The following LDLRAD4 variants were observed in gnomAD, a reference collection of about 807,000 sequenced individuals.
The protein encoded by LDLRAD4 is low-density lipoprotein receptor class A domain-containing protein 4.
In LDLRAD4, 5 loss-of-function variants were observed where a neutral mutation model predicts 17.0. That is an observed-to-expected ratio of 0.29 (90% confidence interval 0.15 to 0.62). The LOEUF is 0.62. Ranked by LOEUF, LDLRAD4 falls within the 20% of genes least tolerant of loss-of-function variation. The pLI is 0.84. For missense variants in LDLRAD4, 340 were observed against 424.7 expected (o/e 0.80, Z 1.75); for synonymous variants, 168 against 171.8 (o/e 0.98, Z 0.17).
chr18:13,403,926 A>G (rs1208984392), intron 2 of LDLRAD4, among the ~76,000 whole-genome samples: 3 of 152,142 alleles, frequency 2.0e-5, no homozygotes, highest in Non-Finnish European at 4.4e-5. Context: ...GGCCATCTGG[A>G]TGCGCCCTGT....
At chr18:13,246,379 G>C (rs1423477537) in intron 1 of LDLRAD4, among the ~76,000 whole-genome samples, 1 of 152,206 alleles carries the variant, frequency 6.6e-6, no homozygotes, top group African/African-American at 2.4e-5. Flanking sequence ...CCTGAGTTTG[G>C]GATAGACAGT....
rs549210005 is a variant in LDLRAD4, at chr18:13,343,652, C to T, written c.-382-43689C>T. Among the ~76,000 whole-genome samples the T allele has an allele frequency of 5.9e-5, 9 of 152,240 alleles. No homozygotes were observed. The East Asian group carries it at 9.7e-4, about 16-fold the overall frequency. On this transcript the variant is annotated intron_variant, in intron 1 of 5. Coordinates refer to ENST00000359446, the Ensembl canonical transcript of LDLRAD4. The stretch of plus-strand genomic sequence containing the variant: ...TTCTAGTTCTAGATCCCTGAGGAAT[C>T]GCCACACTGACTTCCACAATGGTTG...
chr18:13,584,070 G>A (rs536955697), intron 3 of LDLRAD4, among the ~76,000 whole-genome samples: 1 of 152,308 alleles, frequency 6.6e-6, no homozygotes, highest in Admixed American at 6.5e-5. Flanking sequence ...CCCACCCGAA[G>A]CCACGTTGCC....
chr18:13,503,132 G>A (rs913141142), intron 3 of LDLRAD4, among the ~76,000 whole-genome samples: 1 of 152,214 alleles, frequency 6.6e-6, no homozygotes, highest in South Asian at 2.1e-4. Flanking sequence ...GTGATAAAAC[G>A]TTTAAAGTAT....
Position 13,645,617 on chromosome 18 carries a change from C to CCAT in LDLRAD4, c.884_886dup (p.Ile295dup). 1 of 1,524,302 alleles carries CCAT rather than the reference C, an allele frequency of 6.6e-7. No individual in the cohort carries two copies. The highest frequency in any genetic ancestry group is 1.3e-5 in the South Asian group (1 of 76,440). The allele number at this position is 1,524,302 out of a possible 1,614,324, so 94.4% of individuals were successfully genotyped here. On this transcript the variant is annotated inframe_insertion, in exon 6 of 6. Transcript: ENST00000359446. The surrounding 1 kb of genome is among the most constrained non-coding windows in gnomAD (Gnocchi z 5.7). The stretch of plus-strand genomic sequence containing the variant: ...AACAATGCAGAGAGCACAATAGTAC[C>CCAT]CATCAAAGGCAAAGATAGGAAGCCT...
At chr18:13,234,540 G>A (rs1428143100) in intron 1 of LDLRAD4, among the ~76,000 whole-genome samples, 2 of 150,196 alleles carry the variant, frequency 1.3e-5, no homozygotes, top group Non-Finnish European at 3.0e-5. Context: ...CCACAGACTC[G>A]TAGGCCTGGA....
At chr18:13,406,560 G>A (rs1210535937) in intron 2 of LDLRAD4, among the ~76,000 whole-genome samples, 6 of 152,142 alleles carry the variant, frequency 3.9e-5, no homozygotes, top group Admixed American at 3.9e-4. Context: ...TGGGGAAGAG[G>A]CTTCCCCTTT....
intron 2 of LDLRAD4, among the ~76,000 whole-genome samples, chr18:13,433,715 A>T (rs2090483858): frequency 6.6e-6 from 1 of 152,166 alleles, no homozygotes; most frequent in Non-Finnish European, 1.5e-5. Context: ...TTTTGTATAT[A>T]AGTTTGGAAT....
chr18:13,635,538 C>A (rs568739713), intron 4 of LDLRAD4, among the ~76,000 whole-genome samples: 2 of 152,264 alleles, frequency 1.3e-5, no homozygotes, highest in Non-Finnish European at 2.9e-5. Context: ...TTTGGAAGAT[C>A]CGGTGATATT....
chr18:13,311,166 G>A lies in LDLRAD4; in HGVS notation c.-383+32978G>A, dbSNP rs189587862. On this transcript the variant is annotated intron_variant, in intron 1 of 5. Transcript: ENST00000359446. ...CTGTCCATTCAGCTGTTGAGTCCAT[G>A]AGAGCTTACTGGGTGCTTCTGAGTA... Among the ~76,000 whole-genome samples, 23 of 152,314 alleles carry A rather than the reference G, an allele frequency of 1.5e-4. No individual in the cohort carries two copies. In the East Asian group the frequency reaches 4.4e-3, roughly 29 times the overall value.
chr18:13,374,697 C>G (rs2084773456), intron 1 of LDLRAD4, among the ~76,000 whole-genome samples: 1 of 152,238 alleles, frequency 6.6e-6, no homozygotes, highest in Admixed American at 6.5e-5. Context: ...GATTCTGCCA[C>G]CCAGCCAGGA....
chr18:13,348,710 T>TA (rs2082853965), intron 1 of LDLRAD4, among the ~76,000 whole-genome samples: 1 of 152,122 alleles, frequency 6.6e-6, no homozygotes. Flanking sequence ...TGAGCTGCGG[T>TA]AGGCTCCACC....
chr18:13,591,416 A>ATGTG (rs372202447), intron 3 of LDLRAD4, among the ~76,000 whole-genome samples: 14 of 138,476 alleles, frequency 1.0e-4, no homozygotes, highest in East Asian at 2.3e-4. Context: ...ATGTGTGTGT[A>ATGTG]TGTGTGTGTG....
chr18:13,319,264 C>T (rs1253110395), intron 1 of LDLRAD4, among the ~76,000 whole-genome samples: 3 of 152,208 alleles, frequency 2.0e-5, no homozygotes, highest in African/African-American at 4.8e-5. Context: ...GAAGTGGCCA[C>T]GGCGGGTATG....
At chr18:13,325,288 C>T (rs186893177) in intron 1 of LDLRAD4, among the ~76,000 whole-genome samples, 23 of 152,298 alleles carry the variant, frequency 1.5e-4, no homozygotes, top group African/African-American at 5.5e-4. Context: ...CACTTGCAGT[C>T]GTGGCTATGG....
At chr18:13,475,582 G>A (rs1057284992) in intron 3 of LDLRAD4, among the ~76,000 whole-genome samples, 1 of 152,104 alleles carries the variant, frequency 6.6e-6, no homozygotes, top group Non-Finnish European at 1.5e-5. Context: ...AATTAATGCA[G>A]TGTGTTTTGT....
At chr18:13,251,045 A>G (rs547244414) in intron 1 of LDLRAD4, among the ~76,000 whole-genome samples, 5 of 152,366 alleles carry the variant, frequency 3.3e-5, no homozygotes, top group Non-Finnish European at 7.4e-5. Context: ...AATGGGATTC[A>G]TCCCAGGGAT....
chr18:13,650,105 T>A, exon 6 of LDLRAD4: 1 of 398,716 alleles, frequency 2.5e-6, no homozygotes, highest in Non-Finnish European at 4.4e-6. Flanking sequence ...CACAGAGATG[T>A]GAACAGACAA....
chr18:13,493,832 C>A (rs1290966025), intron 3 of LDLRAD4, among the ~76,000 whole-genome samples: 1 of 152,234 alleles, frequency 6.6e-6, no homozygotes, highest in East Asian at 1.9e-4. Flanking sequence ...CCGTCCCTGC[C>A]TCCAGCCCCG....
Sources: gnomAD v4.1 joint callset for allele counts (sites outside exome capture counted in the v4.1 genomes callset) on GRCh38, gnomAD v4.1.1 for gene constraint, Gnocchi (gnomAD v3.1) non-coding constraint, MANE v1.5 for transcripts, NCBI Gene and HGNC (gene_info 2026-07-23, HGNC 2026-07-21) for gene names.